AHR: variants seen among roughly 807,000 people sequenced by gnomAD.
AHR encodes the protein aryl hydrocarbon receptor.
Under a neutral mutation model 86.8 loss-of-function variants are expected in AHR, and 40 were observed. That is an observed-to-expected ratio of 0.46 (90% CI 0.36 to 0.60). The LOEUF (loss-of-function observed/expected upper bound fraction) is 0.60. Among genes scored for constraint, AHR ranks in the 20% least tolerant of loss-of-function variants. AHR has a pLI of 0.00. For missense variants in AHR, 1,001 were observed against 1,011.6 expected (o/e 0.99, Z 0.14); for synonymous variants, 398 against 354.9 (o/e 1.12, Z -1.37).
chr7:17,321,166 A>C (rs1782168504), intron 2 of AHR, among the ~76,000 whole-genome samples: 1 of 152,086 alleles, frequency 6.6e-6, no homozygotes, highest in African/African-American at 2.4e-5. Context: ...TTCAAATATC[A>C]CAGGTTAAAA....
At position 17,327,675 on chromosome 7, in the gene AHR, A is replaced by C. The variant is rs36032095; in HGVS notation, c.361-84A>C. 3.6e-4 allele frequency: 244 copies of C among 670,530 alleles called. 1 individual carries two copies. The African/African-American group carries it at 4.1e-3, about 11-fold the overall frequency. The allele number at this position is 670,530 out of a possible 1,614,324, so 41.5% of individuals were successfully genotyped here. A position where few individuals can be genotyped will look rare whatever the true frequency, so the allele number is the denominator to read the frequency against. ...AATTTTAACTATTTTGAAGAGAAGA[A>C]TTTTCAGAGATAAAAGTAATAACCT... On this transcript the variant is annotated intron_variant, in intron 3 of 10. Coordinates refer to ENST00000242057, the MANE Select transcript of AHR (RefSeq NM_001621.5).
intron 2 of AHR, among the ~76,000 whole-genome samples, chr7:17,319,841 T>C (rs1323158933): frequency 6.6e-6 from 1 of 152,126 alleles, no homozygotes; most frequent in Non-Finnish European, 1.5e-5. Context: ...TGAAAGGCCA[T>C]GACATAAAAT....
intron 6 of AHR, among the ~76,000 whole-genome samples, chr7:17,331,512 T>C (rs1782288544): frequency 6.6e-6 from 1 of 151,924 alleles, no homozygotes; most frequent in South Asian, 2.1e-4. Context: ...ATTTTAGGAT[T>C]TTTAAGGTAT....
intron 2 of AHR, 50 bp downstream of exon 2, chr7:17,310,173 G>T (rs753932156): frequency 4.0e-6 from 6 of 1,509,404 alleles, no homozygotes; most frequent in South Asian, 3.7e-5. Context: ...AAAAATACTT[G>T]TACTAGATAT....
intron 8 of AHR, 151 bp from the exon 9 acceptor site, chr7:17,335,494 C>A: frequency 1.7e-6 from 1 of 604,160 alleles, no homozygotes; most frequent in Non-Finnish European, 2.6e-6. Context: ...AAACTATTTC[C>A]ATGCCTTTTA....
chr7:17,333,703 C>T (rs989048190), intron 6 of AHR, among the ~76,000 whole-genome samples: 5 of 151,820 alleles, frequency 3.3e-5, no homozygotes, highest in African/African-American at 1.2e-4. Flanking sequence ...TCACTTATCC[C>T]TTTAGAATAT....
At position 17,339,151 on chromosome 7, in the gene AHR, C is replaced by T. The variant is rs761761979; in HGVS notation, c.1326C>T (p.Thr442=). 6.2e-6 allele frequency: 10 copies of T among 1,614,148 alleles called. No homozygotes were observed. Among genetic ancestry groups the T allele is most frequent in the Non-Finnish European group, 8.5e-6 (10 of 1,180,020 alleles). Residue 442 remains threonine (T), a synonymous_variant, in exon 10 of 11, where the codon ACC becomes ACT. Coordinates refer to ENST00000242057, the MANE Select transcript of AHR (RefSeq NM_001621.5). ...GCACTAGTGGAAAAGACTCTGCTACCACATCCACTCTAAGCAAGGACTCTC... is the reference window on the plus strand; with the variant it reads ...GCACTAGTGGAAAAGACTCTGCTACTACATCCACTCTAAGCAAGGACTCTC... ...KNGTSGKDSA[T]TSTLSKDSLN... is the part of the protein sequence containing the mutation.
At chr7:17,326,315 A>T (rs1782229690) in intron 3 of AHR, among the ~76,000 whole-genome samples, 1 of 152,194 alleles carries the variant, frequency 6.6e-6, no homozygotes, top group African/African-American at 2.4e-5. Context: ...AAGTAATTGG[A>T]GTGGAAAGAG....
At chr7:17,325,734 G>A (rs934672476) in intron 3 of AHR, among the ~76,000 whole-genome samples, 3 of 152,158 alleles carry the variant, frequency 2.0e-5, no homozygotes, top group African/African-American at 7.2e-5. Flanking sequence ...ATAAGTGAGA[G>A]CTAAATGATG....
intron 3 of AHR, among the ~76,000 whole-genome samples, chr7:17,323,031 C>G (rs529661847): frequency 6.6e-6 from 1 of 152,120 alleles, no homozygotes; most frequent in African/African-American, 2.4e-5. Flanking sequence ...TAAGTACACT[C>G]TATGATGTTT....
chr7:17,318,944 A>C (rs1170109352), intron 2 of AHR, among the ~76,000 whole-genome samples: 1 of 152,104 alleles, frequency 6.6e-6, no homozygotes. Context: ...ACAGGTCTTC[A>C]TCCTCATTGT....
In AHR at chr7:17,344,193, T is replaced by C. The variant is rs763747989; in HGVS notation, c.*1129T>C. On this transcript the variant is annotated 3_prime_UTR_variant, in exon 11 of 11. Transcript: ENST00000242057. The stretch of plus-strand genomic sequence containing the variant: ...CCTTGATAATATATTGTGTTGACTT[T>C]ATAAATTTCGCTTCTTAGAACAGTG... 7.9e-5 allele frequency: 12 copies of C among 152,794 alleles called. No homozygotes were observed. The highest frequency in any genetic ancestry group is 1.8e-4 in the Non-Finnish European group (12 of 68,022). The allele number at this position is 152,794 out of a possible 1,614,324, so 9.5% of individuals were successfully genotyped here. A position where few individuals can be genotyped will look rare whatever the true frequency, so the allele number is the denominator to read the frequency against.
rs777062899 is a variant in AHR at position 17,335,014 on chromosome 7, A to G, written c.1018+18A>G. On this transcript the variant is annotated intron_variant, in intron 8 of 10. Transcript: ENST00000242057. ...TATCCGAAGTAAGTTGTAGTTCCTTATGAACATGTCAGAAGAAAACGGCAT... is the reference window on the plus strand; with the variant it reads ...TATCCGAAGTAAGTTGTAGTTCCTTGTGAACATGTCAGAAGAAAACGGCAT... 3.8e-6 allele frequency: 6 copies of G among 1,578,446 alleles called. No individual in the cohort carries two copies. In the African/African-American group the frequency reaches 4.0e-5, roughly 11 times the overall value.
At chr7:17,340,804 T>C (rs1332178064) in intron 10 of AHR, among the ~76,000 whole-genome samples, 1 of 152,140 alleles carries the variant, frequency 6.6e-6, no homozygotes, top group Non-Finnish European at 1.5e-5. Context: ...ACCTCCCCTA[T>C]CCTCATCTCA....
rs34938955 is a variant in AHR at position 17,299,176 on chromosome 7, C to G, written c.-89C>G. On this transcript the variant is annotated 5_prime_UTR_variant, in exon 1 of 11. Transcript: ENST00000242057. The stretch of plus-strand genomic sequence containing the variant: ...GGCGCGGCTTCGCGGAACCCGGCGC[C>G]GGCCGCCGCAGTGGTCCCAGCCTAC... 2.4e-5 allele frequency: 34 copies of G among 1,414,598 alleles called. No homozygotes were observed. The East Asian group carries it at 2.5e-4, about 10-fold the overall frequency. The allele number at this position is 1,414,598 out of a possible 1,614,324, so 87.6% of individuals were successfully genotyped here.
At chr7:17,329,617 A>C (rs543366156) in intron 4 of AHR, among the ~76,000 whole-genome samples, 1 of 151,888 alleles carries the variant, frequency 6.6e-6, no homozygotes, top group African/African-American at 2.4e-5. Flanking sequence ...AGCTGCATGG[A>C]AGAGATAAGA....
At chr7:17,340,361 ATC>A in intron 10 of AHR, 133 bp downstream of exon 10, 1 of 1,216,408 alleles carries the variant, frequency 8.2e-7, no homozygotes, top group Non-Finnish European at 1.1e-6. Flanking sequence ...TTTTTATTAT[ATC>A]TGTGACTACC....
chr7:17,319,691 A>G (rs995768585), intron 2 of AHR, among the ~76,000 whole-genome samples: 7 of 152,054 alleles, frequency 4.6e-5, no homozygotes, highest in African/African-American at 1.2e-4. Flanking sequence ...TTTTCTTTCT[A>G]ATCAGCACAA....
intron 2 of AHR, among the ~76,000 whole-genome samples, chr7:17,318,813 C>A (rs1167756386): frequency 2.0e-5 from 3 of 152,046 alleles, no homozygotes; most frequent in Admixed American, 2.0e-4. Context: ...ATTAATGTGT[C>A]TTTTGTATAT....
Sources: gnomAD v4.1 joint callset for allele counts (sites outside exome capture counted in the v4.1 genomes callset) on GRCh38, gnomAD v4.1.1 for gene constraint, MANE v1.5 for transcripts, NCBI Gene and HGNC (gene_info 2026-07-23, HGNC 2026-07-21) for gene names.